The following INTS7 variants were observed in gnomAD, a reference collection of about 807,000 sequenced individuals.
INTS7 encodes the protein integrator complex subunit 7, also known as chromosome 1 open reading frame 73.
In INTS7, 46 loss-of-function variants were observed where a neutral mutation model predicts 109.2. The ratio of observed to expected loss-of-function variants is 0.42; its 90% CI spans 0.33 to 0.54. The LOEUF (loss-of-function observed/expected upper bound fraction) is 0.54, where lower values mean the gene tolerates loss of function less well. INTS7 is among the 20% of genes least tolerant of loss of function. INTS7 has a pLI of 0.07. For missense variants in INTS7, 929 were observed against 1,132.4 expected (o/e 0.82, Z 2.58); for synonymous variants, 412 against 402.9 (o/e 1.02, Z -0.27).
chr1:211,977,178 C>A (rs911367740), intron 11 of INTS7, among the ~76,000 whole-genome samples: 1 of 152,072 alleles, frequency 6.6e-6, no homozygotes, highest in Admixed American at 6.5e-5. Flanking sequence ...TGATAAATAC[C>A]AAATTCAGGA....
chr1:211,961,868 A>G (rs1663649526), intron 16 of INTS7, among the ~76,000 whole-genome samples: 1 of 152,224 alleles, frequency 6.6e-6, no homozygotes, highest in Non-Finnish European at 1.5e-5. Context: ...CTGCCTTATT[A>G]GAGCTCCTGA....
chr1:211,963,066 C>T (rs1206927922), intron 16 of INTS7, among the ~76,000 whole-genome samples: 3 of 151,938 alleles, frequency 2.0e-5, no homozygotes, highest in Non-Finnish European at 2.9e-5. Flanking sequence ...AAAAGATCAA[C>T]AAATCCAGGA....
intron 5 of INTS7, among the ~76,000 whole-genome samples, chr1:212,009,848 G>A (rs1021518127): frequency 6.6e-6 from 1 of 152,158 alleles, no homozygotes; most frequent in Admixed American, 6.5e-5. Flanking sequence ...TTTGCTAATG[G>A]TGGAAGAAAA....
At chr1:211,950,073 T>A (rs1450704469) in intron 17 of INTS7, among the ~76,000 whole-genome samples, 1 of 152,256 alleles carries the variant, frequency 6.6e-6, no homozygotes, top group Non-Finnish European at 1.5e-5. Context: ...ATTCTATTAA[T>A]GCACATATAC....
At chr1:211,987,255 C>G (rs1242049430) in intron 8 of INTS7, among the ~76,000 whole-genome samples, 1 of 151,906 alleles carries the variant, frequency 6.6e-6, no homozygotes, top group Non-Finnish European at 1.5e-5. Context: ...CAAGATCCCC[C>G]CACTGCACTC....
At chr1:211,997,750 G>A (rs1047134123) in intron 7 of INTS7, among the ~76,000 whole-genome samples, 3 of 151,580 alleles carry the variant, frequency 2.0e-5, no homozygotes, top group East Asian at 3.9e-4. Context: ...GTGATGGTGC[G>A]CACCTGTAAC....
intron 1 of INTS7, among the ~76,000 whole-genome samples, chr1:212,028,009 T>A (rs1667004908): frequency 6.6e-6 from 1 of 152,136 alleles, no homozygotes; most frequent in Non-Finnish European, 1.5e-5. Context: ...ATATTTTTAG[T>A]AGAGACAGGA....
At chr1:211,987,602 A>T (rs1664948229) in intron 8 of INTS7, among the ~76,000 whole-genome samples, 1 of 152,132 alleles carries the variant, frequency 6.6e-6, no homozygotes, top group Non-Finnish European at 1.5e-5. Context: ...ACAAAAGCAA[A>T]CCAACTATTT....
At chr1:211,982,409 C>T (rs1664704757) in intron 9 of INTS7, among the ~76,000 whole-genome samples, 1 of 152,050 alleles carries the variant, frequency 6.6e-6, no homozygotes, top group African/African-American at 2.4e-5. Context: ...CATATATGCA[C>T]CATATATGCA....
At chr1:211,945,201 G>A (rs924070347) in intron 18 of INTS7, among the ~76,000 whole-genome samples, 4 of 152,138 alleles carry the variant, frequency 2.6e-5, no homozygotes, top group Admixed American at 6.5e-5. Context: ...GGATAATAGA[G>A]AATTAGAAAA....
At chr1:211,998,237 A>G (rs1034764298) in intron 7 of INTS7, among the ~76,000 whole-genome samples, 1 of 152,184 alleles carries the variant, frequency 6.6e-6, no homozygotes, top group Non-Finnish European at 1.5e-5. Flanking sequence ...AAGCACTGGG[A>G]TTATAGGCAT....
chr1:211,962,920 T>C (rs559880821), intron 16 of INTS7, among the ~76,000 whole-genome samples: 134 of 152,170 alleles, frequency 8.8e-4, no homozygotes, highest in Middle Eastern at 3.4e-3. Flanking sequence ...ATCAAAAAGT[T>C]AGAAAGACCT....
At chr1:211,960,748 C>A (rs1470903153) in intron 16 of INTS7, among the ~76,000 whole-genome samples, 1 of 152,022 alleles carries the variant, frequency 6.6e-6, no homozygotes, top group East Asian at 1.9e-4. Context: ...GAGAGTAAGA[C>A]AAGAATAGAG....
chr1:211,973,306 C>A (rs1211921472), intron 13 of INTS7, among the ~76,000 whole-genome samples: 1 of 152,154 alleles, frequency 6.6e-6, no homozygotes, highest in African/African-American at 2.4e-5. Flanking sequence ...TTGTTTTAAG[C>A]CACTAAACTT....
At position 212,019,262 on chromosome 1, in the gene INTS7, T is replaced by TA. The variant is rs1412672379; in HGVS notation, c.371+859dup. On this transcript the variant is annotated intron_variant, in intron 3 of 19. Coordinates refer to ENST00000366994, the MANE Select transcript of INTS7 (RefSeq NM_015434.4). ...CAAGACTCCATCTCAATAAATAAAT[T>TA]AATTAATTAATTAATTCGATTGAAT... Among the ~76,000 whole-genome samples the TA allele has an allele frequency of 1.1e-3, 161 of 145,920 alleles. 1 individual carries two copies. The highest frequency in any genetic ancestry group is 3.7e-3 in the East Asian group (17 of 4,604).
chr1:212,020,975 G>GT (rs1236247057), intron 2 of INTS7, 108 bp downstream of exon 2: 1 of 1,006,620 alleles, frequency 9.9e-7, no homozygotes, highest in African/African-American at 1.6e-5. Flanking sequence ...TCCACTAATG[G>GT]TAACTAACCA....
intron 13 of INTS7, among the ~76,000 whole-genome samples, chr1:211,973,694 C>T (rs1319457242): frequency 6.6e-6 from 1 of 152,164 alleles, no homozygotes; most frequent in East Asian, 1.9e-4. Flanking sequence ...GTATACAGTA[C>T]AATCAGAGTT....
chr1:211,983,405 CT>C (rs1664745979), intron 8 of INTS7, among the ~76,000 whole-genome samples: 1 of 152,144 alleles, frequency 6.6e-6, no homozygotes, highest in Non-Finnish European at 1.5e-5. Flanking sequence ...TCTAATGCCC[CT>C]GTTATTATAC....
intron 1 of INTS7, among the ~76,000 whole-genome samples, chr1:212,026,527 C>T (rs561775578): frequency 5.3e-5 from 8 of 152,184 alleles, no homozygotes; most frequent in Admixed American, 1.3e-4. Flanking sequence ...TCAAACACAA[C>T]GCCAAAAGGG....
Sources: allele counts gnomAD v4.1 joint callset (sites outside exome capture counted in the v4.1 genomes callset), GRCh38; gene constraint gnomAD v4.1.1; transcripts MANE v1.5; gene names NCBI Gene and HGNC (gene_info 2026-07-23, HGNC 2026-07-21).